Variants in NYAP2 observed in about 807,000 individuals in gnomAD.
The protein encoded by NYAP2 is neuronal tyrosine-phosphorylated phosphoinositide-3-kinase adaptor 2.
A neutral mutation model predicts 50.4 loss-of-function variants in NYAP2; 23 were observed. That is an observed-to-expected ratio of 0.46 (90% CI 0.33 to 0.65). The LOEUF (loss-of-function observed/expected upper bound fraction) is 0.65. Ranked by LOEUF, NYAP2 falls within the 30% of genes least tolerant of loss-of-function variation. The pLI is 0.02. For missense variants in NYAP2, 885 were observed against 861.0 expected (o/e 1.03, Z -0.35); for synonymous variants, 394 against 365.2 (o/e 1.08, Z -0.90).
intron 5 of NYAP2, among the ~76,000 whole-genome samples, chr2:225,599,604 C>T (rs1348813813): frequency 1.3e-5 from 2 of 152,174 alleles, no homozygotes; most frequent in Admixed American, 1.3e-4. Context: ...AAACCCTGAC[C>T]CTTGACCTTG....
the NYAP2 span, among the ~76,000 whole-genome samples, chr2:225,667,121 G>A: frequency 1.3e-5 from 2 of 152,036 alleles, no homozygotes; most frequent in Non-Finnish European, 2.9e-5. Flanking sequence ...TCAGACTTCA[G>A]AATTTATAAG....
At chr2:225,408,559 TTA>T (rs1694977824) in intron 2 of NYAP2, among the ~76,000 whole-genome samples, 1 of 152,084 alleles carries the variant, frequency 6.6e-6, no homozygotes, top group African/African-American at 2.4e-5. Flanking sequence ...AACAAAATTA[TTA>T]TTGTAATTAT....
intron 6 of NYAP2, among the ~76,000 whole-genome samples, chr2:225,632,834 A>G (rs186365328): frequency 6.6e-6 from 1 of 152,198 alleles, no homozygotes; most frequent in Non-Finnish European, 1.5e-5. Flanking sequence ...CCCCCCACAG[A>G]CTGTAAAATA....
chr2:225,638,046 A>G (rs921662646), intron 6 of NYAP2, among the ~76,000 whole-genome samples: 1 of 152,166 alleles, frequency 6.6e-6, no homozygotes, highest in Admixed American at 6.6e-5. Flanking sequence ...TTAGAGGCTG[A>G]GAGAGACAGA....
chr2:225,532,542 C>A (rs940503844), intron 4 of NYAP2, among the ~76,000 whole-genome samples: 2 of 152,298 alleles, frequency 1.3e-5, no homozygotes, highest in South Asian at 2.1e-4. Context: ...GAAATCTCTG[C>A]TTTCTGACAA....
At chr2:225,615,807 C>T (rs1291031252) in intron 5 of NYAP2, among the ~76,000 whole-genome samples, 3 of 152,150 alleles carry the variant, frequency 2.0e-5, no homozygotes, top group African/African-American at 4.8e-5. Flanking sequence ...GGGGCCTTCT[C>T]GTTGACCTGC....
intron 6 of NYAP2, among the ~76,000 whole-genome samples, chr2:225,633,421 A>C (rs1349641555): frequency 6.6e-6 from 1 of 152,254 alleles, no homozygotes; most frequent in African/African-American, 2.4e-5. Context: ...AGATGCCTTC[A>C]GGACAGACAG....
chr2:225,570,642 CT>C (rs1410130660), intron 4 of NYAP2, among the ~76,000 whole-genome samples: 2 of 152,166 alleles, frequency 1.3e-5, no homozygotes, highest in African/African-American at 4.8e-5. Context: ...TATTCAATTA[CT>C]TCTCACTGGG....
chr2:225,475,530 G>A (rs1425305727), intron 3 of NYAP2, among the ~76,000 whole-genome samples: 1 of 152,178 alleles, frequency 6.6e-6, no homozygotes, highest in Non-Finnish European at 1.5e-5. Context: ...AGTCTGAAAG[G>A]CAAGAATGGT....
intron 6 of NYAP2, among the ~76,000 whole-genome samples, chr2:225,636,516 T>C (rs1307679899): frequency 1.3e-5 from 2 of 151,864 alleles, no homozygotes; most frequent in Non-Finnish European, 2.9e-5. Flanking sequence ...ATTATTATAC[T>C]TTAAGTTTTA....
intron 4 of NYAP2, among the ~76,000 whole-genome samples, chr2:225,558,037 G>A (rs557252740): frequency 6.6e-6 from 1 of 152,234 alleles, no homozygotes; most frequent in Admixed American, 6.5e-5. Flanking sequence ...CTCTGCCTGT[G>A]TACTGCTTTG....
At chr2:225,596,866 C>T (rs913137346) in intron 5 of NYAP2, among the ~76,000 whole-genome samples, 5 of 152,120 alleles carry the variant, frequency 3.3e-5, no homozygotes, top group Admixed American at 6.5e-5. Context: ...ATGTTGTCGA[C>T]AGCAAAATTA....
At chr2:225,663,151 T>C in the NYAP2 span, among the ~76,000 whole-genome samples, 1 of 152,306 alleles carries the variant, frequency 6.6e-6, no homozygotes, top group South Asian at 2.1e-4. Context: ...AGAAGCAAGA[T>C]GGGCCCAGGA....
At chr2:225,691,994 TTAG>T in the NYAP2 span, among the ~76,000 whole-genome samples, 265 of 152,160 alleles carry the variant, frequency 1.7e-3, 1 homozygote, top group African/African-American at 6.1e-3. Context: ...CATCTGAAAA[TTAG>T]TATTGATTGA....
At chr2:225,441,646 G>A (rs886576757) in intron 3 of NYAP2, among the ~76,000 whole-genome samples, 1 of 152,086 alleles carries the variant, frequency 6.6e-6, no homozygotes, top group African/African-American at 2.4e-5. Flanking sequence ...AGGGGAATCT[G>A]CCCCTTTTAA....
chr2:225,648,360 G>A (rs1693671661), intron 6 of NYAP2, among the ~76,000 whole-genome samples: 1 of 150,038 alleles, frequency 6.7e-6, no homozygotes, highest in Non-Finnish European at 1.5e-5. Context: ...CCGATCAGAT[G>A]GAGCCAGGTC....
intron 5 of NYAP2, among the ~76,000 whole-genome samples, chr2:225,602,577 C>A (rs998411722): frequency 2.0e-5 from 3 of 151,932 alleles, no homozygotes; most frequent in African/African-American, 7.3e-5. Context: ...GCATTTTTTT[C>A]TAGGAGTTTT....
chr2:225,454,060 A>G (rs552382134), intron 3 of NYAP2, among the ~76,000 whole-genome samples: 1 of 152,174 alleles, frequency 6.6e-6, no homozygotes, highest in South Asian at 2.1e-4. Flanking sequence ...GCTCTTGCCT[A>G]TGTTTGTAAT....
intron 3 of NYAP2, among the ~76,000 whole-genome samples, chr2:225,450,792 C>A (rs1183644036): frequency 6.6e-6 from 1 of 152,196 alleles, no homozygotes; most frequent in South Asian, 2.1e-4. Flanking sequence ...AGGATTTGTG[C>A]AGCATCTAAC....
Sources: gnomAD v4.1 joint callset for allele counts (sites outside exome capture counted in the v4.1 genomes callset) on GRCh38, gnomAD v4.1.1 for gene constraint, MANE v1.5 for transcripts, NCBI Gene and HGNC (gene_info 2026-07-23, HGNC 2026-07-21) for gene names.